The following FREM3 variants were observed in gnomAD, a reference collection of about 807,000 sequenced individuals.
The protein encoded by FREM3 is FRAS1-related extracellular matrix protein 3.
A neutral mutation model predicts 129.1 loss-of-function variants in FREM3; 105 were observed. The ratio of observed to expected loss-of-function variants is 0.81; its 90% CI spans 0.69 to 0.96. FREM3 has a LOEUF of 0.96. Ranked by LOEUF, FREM3 falls within the 40% of genes least tolerant of loss-of-function variation. The pLI is 0.00. For synonymous variants in FREM3, 1,014 were observed against 1,044.9 expected, an observed-to-expected ratio of 0.97 and a Z score of 0.57; for missense variants, 2,593 against 2,666.3, an observed-to-expected ratio of 0.97 and a Z score of 0.61.
At chr4:143,686,406 C>A (rs552201299) in intron 2 of FREM3, among the ~76,000 whole-genome samples, 1 of 152,214 alleles carries the variant, frequency 6.6e-6, no homozygotes, top group South Asian at 2.1e-4. Flanking sequence ...CTGATGGCAA[C>A]AGACAGGTAA....
chr4:143,689,040 C>T lies in FREM3; in HGVS notation c.5275+4073G>A, dbSNP rs147002470. Among the ~76,000 whole-genome samples the T allele has an allele frequency of 2.5e-3, 384 of 152,180 alleles. 1 individual carries two copies. The highest frequency in any genetic ancestry group is 8.3e-3 in the African/African-American group (346 of 41,530). On this transcript the variant is annotated intron_variant, in intron 2 of 7. Transcript: ENST00000329798. ...GATAAATAGCCGGGACCTAATTAAA[C>T]GAAAGAGCTTTTGCATGGCAAAAGG...
chr4:143,598,397 A>T (rs1373969365), intron 6 of FREM3, among the ~76,000 whole-genome samples: 33 of 152,198 alleles, frequency 2.2e-4, no homozygotes, highest in Admixed American at 2.2e-3. Flanking sequence ...CAGCTGTGGC[A>T]TATGCTAGCT....
intron 2 of FREM3, among the ~76,000 whole-genome samples, chr4:143,643,638 A>C (rs1739362391): frequency 6.6e-6 from 1 of 152,082 alleles, no homozygotes; most frequent in African/African-American, 2.4e-5. Context: ...AGAGCAGAAC[A>C]GTGGTTATCA....
chr4:143,692,268 G>A (rs893429315), intron 2 of FREM3, among the ~76,000 whole-genome samples: 7 of 152,200 alleles, frequency 4.6e-5, no homozygotes, highest in Non-Finnish European at 8.8e-5. Flanking sequence ...AAGGTCACAC[G>A]GGACAAGTTG....
intron 6 of FREM3, among the ~76,000 whole-genome samples, chr4:143,590,374 T>C (rs926401037): frequency 6.6e-6 from 1 of 152,226 alleles, no homozygotes; most frequent in African/African-American, 2.4e-5. Flanking sequence ...GGCTGTGGGT[T>C]TGTCATAGAT....
At chr4:143,650,343 T>G (rs1373497060) in intron 2 of FREM3, among the ~76,000 whole-genome samples, 2 of 152,218 alleles carry the variant, frequency 1.3e-5, no homozygotes, top group Admixed American at 1.3e-4. Context: ...ATGCTATACT[T>G]GACCTTCCCC....
chr4:143,625,217 G>A (rs1209544311), intron 3 of FREM3, among the ~76,000 whole-genome samples: 1 of 152,070 alleles, frequency 6.6e-6, no homozygotes, highest in Non-Finnish European at 1.5e-5. Context: ...ATATTGTTTG[G>A]TCTTGATTTT....
intron 2 of FREM3, among the ~76,000 whole-genome samples, chr4:143,677,079 T>C (rs1176458857): frequency 2.9e-4 from 44 of 152,198 alleles, no homozygotes; most frequent in East Asian, 1.9e-3. Flanking sequence ...GAGCCCGCAT[T>C]GCCAAGTCAA....
intron 2 of FREM3, among the ~76,000 whole-genome samples, chr4:143,641,604 A>G (rs966335024): frequency 2.6e-5 from 4 of 152,224 alleles, no homozygotes; most frequent in Admixed American, 2.6e-4. Flanking sequence ...TAGCCAAACC[A>G]GAGATGTAAC....
intron 2 of FREM3, among the ~76,000 whole-genome samples, chr4:143,641,693 T>C (rs1254907700): frequency 1.3e-5 from 2 of 152,166 alleles, no homozygotes; most frequent in African/African-American, 4.8e-5. Context: ...AGGGGAAGCA[T>C]TCCATTTGCC....
At chr4:143,577,951 C>T in intron 7 of FREM3, 99 bp from the exon 8 acceptor site, 1 of 1,256,376 alleles carries the variant, frequency 8.0e-7, no homozygotes, top group Non-Finnish European at 1.1e-6. Flanking sequence ...CGGCATTCAC[C>T]TTTGTACCCA....
At chr4:143,691,725 T>A (rs1451539501) in intron 2 of FREM3, among the ~76,000 whole-genome samples, 1 of 152,160 alleles carries the variant, frequency 6.6e-6, no homozygotes, top group Non-Finnish European at 1.5e-5. Flanking sequence ...CAGAAAAAAG[T>A]TAAAACATGG....
intron 2 of FREM3, among the ~76,000 whole-genome samples, chr4:143,663,083 A>G (rs1373692976): frequency 6.6e-6 from 1 of 152,054 alleles, no homozygotes; most frequent in Non-Finnish European, 1.5e-5. Flanking sequence ...GTCCATTTAC[A>G]TTTAAAGTTA....
chr4:143,687,020 C>A (rs997116175), intron 2 of FREM3, among the ~76,000 whole-genome samples: 9 of 151,812 alleles, frequency 5.9e-5, no homozygotes, highest in Admixed American at 2.0e-4. Context: ...ACAAAAAATA[C>A]AAAAGTTAAA....
chr4:143,632,072 G>A (rs1739150284), intron 2 of FREM3, among the ~76,000 whole-genome samples: 1 of 152,002 alleles, frequency 6.6e-6, no homozygotes, highest in African/African-American at 2.4e-5. Flanking sequence ...TATAGTCTAG[G>A]TTTTTGAAGG....
chr4:143,633,648 C>T (rs1739180341), intron 2 of FREM3, among the ~76,000 whole-genome samples: 1 of 152,132 alleles, frequency 6.6e-6, no homozygotes, highest in Non-Finnish European at 1.5e-5. Context: ...TACATTAAAG[C>T]TATATTAATA....
Position 143,585,732 on chromosome 4 carries a change from A to G in FREM3, c.6178+112T>C. 1 of 1,080,696 alleles carries G rather than the reference A, an allele frequency of 9.3e-7. No homozygotes were observed. The highest frequency in any genetic ancestry group is 1.3e-6 in the Non-Finnish European group (1 of 775,136). 66.9% of individuals were successfully genotyped at this position (1,080,696 alleles called of 1,614,324 possible). ...CCATCTACGTGCTGAAGCCAGAGAA[A>G]CTTTCATTCAGAGTCCATCAACAAA... On this transcript the variant is annotated intron_variant, in intron 7 of 7. Coordinates refer to ENST00000329798, the MANE Select transcript of FREM3 (RefSeq NM_001168235.2). The surrounding 1 kb of genome is among the most constrained non-coding windows in gnomAD (Gnocchi z 4.2).
At chr4:143,692,798 A>G (rs1740496778) in intron 2 of FREM3, among the ~76,000 whole-genome samples, 1 of 152,178 alleles carries the variant, frequency 6.6e-6, no homozygotes, top group South Asian at 2.1e-4. Context: ...AGCTAGATTC[A>G]CAGAATCTCT....
At chr4:143,586,903 G>A (rs770327690) in intron 6 of FREM3, among the ~76,000 whole-genome samples, 3 of 152,182 alleles carry the variant, frequency 2.0e-5, no homozygotes, top group Non-Finnish European at 4.4e-5. Flanking sequence ...TCACCATGGA[G>A]GAACAACCCC....
Sources: gnomAD v4.1 joint callset for allele counts (sites outside exome capture counted in the v4.1 genomes callset) on GRCh38, gnomAD v4.1.1 for gene constraint, Gnocchi (gnomAD v3.1) non-coding constraint, MANE v1.5 for transcripts, NCBI Gene and HGNC (gene_info 2026-07-23, HGNC 2026-07-21) for gene names.